Variants in MYO5C observed in about 807,000 individuals in gnomAD.
The protein encoded by MYO5C is unconventional myosin-Vc.
A neutral mutation model predicts 235.7 loss-of-function variants in MYO5C; 194 were observed. The ratio of observed to expected loss-of-function variants is 0.82; its 90% confidence interval spans 0.73 to 0.93. The LOEUF is 0.93. Among genes scored for constraint, MYO5C ranks in the 40% least tolerant of loss-of-function variants. The pLI is 0.00. For missense variants in MYO5C, 2,038 were observed against 2,127.2 expected (o/e 0.96, Z 0.82); for synonymous variants, 707 against 754.8 (o/e 0.94, Z 1.04).
At chr15:52,210,886 G>A (rs911073758) in intron 35 of MYO5C, among the ~76,000 whole-genome samples, 2 of 152,164 alleles carry the variant, frequency 1.3e-5, no homozygotes, top group African/African-American at 4.8e-5. Context: ...ACAAAATCCC[G>A]CCCTTTGTCA....
chr15:52,275,817 G>A, intron 4 of MYO5C, 99 bp from the exon 5 acceptor site: 10 of 1,140,148 alleles, frequency 8.8e-6, no homozygotes, highest in Non-Finnish European at 1.3e-5. Flanking sequence ...GAGGGAAACT[G>A]TTTTGTCACT....
At chr15:52,269,682 C>T (rs556819663) in intron 8 of MYO5C, 71 bp downstream of exon 8, 30 of 1,055,550 alleles carry the variant, frequency 2.8e-5, no homozygotes, top group Middle Eastern at 2.1e-4. Context: ...TGAGCCACCA[C>T]GCCTGGCCTT....
Position 52,208,601 on chromosome 15 carries a change from T to G in MYO5C, c.4339A>C (p.Asn1447His), listed in dbSNP as rs775346310. 1.2e-6 allele frequency: 2 copies of G among 1,614,172 alleles called. No individual in the cohort carries two copies. The highest frequency in any genetic ancestry group is 2.2e-5 in the South Asian group (2 of 91,076). The change falls in exon 36 of 41, where the codon AAC (asparagine) becomes CAC (histidine). Residue 1447 changes from asparagine to histidine, a missense_variant. Transcript: ENST00000261839. ...AGGCAATTGAGAAAATGACAAGTGT[T>G]GGAAAGCCAAAAGGACAGCATTTCA... ...DFEMLSFWLS[N>H]TCHFLNCLKQ...
At chr15:52,277,989 G>C (rs2037088356) in intron 4 of MYO5C, 1 of 455,838 alleles carries the variant, frequency 2.2e-6, no homozygotes, top group Admixed American at 2.4e-5. Context: ...TTTAGGTAAA[G>C]AGTCAGCAGG....
Position 52,239,247 on chromosome 15 carries a change from G to A in MYO5C, c.2703+486C>T, listed in dbSNP as rs540059432. The stretch of plus-strand genomic sequence containing the variant: ...ATTACAGGTGTCAGCCACCACGCCC[G>A]GCCTTGGATGTTTCTTTTCATACCA... On this transcript the variant is annotated intron_variant, in intron 21 of 40. Transcript: ENST00000261839. Among the ~76,000 whole-genome samples the A allele has an allele frequency of 5.9e-5, 9 of 152,266 alleles. No individual in the cohort carries two copies. In the South Asian group the frequency reaches 6.2e-4, roughly 11 times the overall value.
chr15:52,251,427 G>T lies in MYO5C; in HGVS notation c.1625C>A (p.Ser542Ter). Residue 542 changes from serine to a stop codon, truncating the protein, a stop_gained, in exon 13 of 41, where the codon TCA becomes TAA. Transcript: ENST00000261839. LOFTEE classifies it high-confidence loss of function. ...GTGCTGGATGACAAAGGATGTGTTTGACATTCTAGGCTTTTCAAACAAAGG... is the reference window on the plus strand; with the variant it reads ...GTGCTGGATGACAAAGGATGTGTTTTACATTCTAGGCTTTTCAAACAAAGG... ...RNPLFEKPRM[S>*]NTSFVIQHFA... 1 of 1,602,580 alleles carries T rather than the reference G, an allele frequency of 6.2e-7. No individual in the cohort carries two copies. The highest frequency in any genetic ancestry group is 1.1e-5 in the South Asian group (1 of 89,498).
intron 1 of MYO5C, among the ~76,000 whole-genome samples, chr15:52,288,313 T>C (rs1314882687): frequency 2.0e-5 from 3 of 152,212 alleles, no homozygotes; most frequent in East Asian, 1.9e-4. Context: ...AACCATCTAC[T>C]TGAGAGTCCA....
At chr15:52,234,263 G>A (rs1344898768) in intron 23 of MYO5C, among the ~76,000 whole-genome samples, 1 of 152,226 alleles carries the variant, frequency 6.6e-6, no homozygotes, top group Non-Finnish European at 1.5e-5. Flanking sequence ...TAGGTCACAA[G>A]CATAGGTAAA....
At position 52,211,221 on chromosome 15, in the gene MYO5C, T is replaced by C. The variant is rs143809315; in HGVS notation, c.4296+509A>G. 3.9e-3 allele frequency among the ~76,000 whole-genome samples: 588 copies of C among 152,310 alleles called. 4 individuals carry two copies. Among genetic ancestry groups the C allele is most frequent in the African/African-American group, 0.014 (573 of 41,562 alleles). ...AAATCCTCCATCTTCTTTAAGACACTGTATATTGGGCAAAGGGAGGTGGCA... is the reference window on the plus strand; with the variant it reads ...AAATCCTCCATCTTCTTTAAGACACCGTATATTGGGCAAAGGGAGGTGGCA... On this transcript the variant is annotated intron_variant, in intron 35 of 40. Transcript: ENST00000261839.
chr15:52,242,845 G>C (rs778497831), intron 19 of MYO5C: 1 of 152,240 alleles, frequency 6.6e-6, no homozygotes, highest in Non-Finnish European at 1.5e-5. Flanking sequence ...CACAGTGAAG[G>C]CTGGAAAAGG....
At chr15:52,199,442 G>T (rs1247135779) in intron 38 of MYO5C, among the ~76,000 whole-genome samples, 2 of 152,116 alleles carry the variant, frequency 1.3e-5, no homozygotes, top group Non-Finnish European at 2.9e-5. Context: ...TTGAGGACTT[G>T]GAAAAGTAAA....
At chr15:52,262,438 G>A (rs1331918568) in intron 9 of MYO5C, among the ~76,000 whole-genome samples, 1 of 152,140 alleles carries the variant, frequency 6.6e-6, no homozygotes, top group African/African-American at 2.4e-5. Context: ...ATCTATGGGG[G>A]TTTGGGGAAA....
intron 40 of MYO5C, among the ~76,000 whole-genome samples, chr15:52,194,435 G>A (rs568860867): frequency 6.6e-6 from 1 of 151,994 alleles, no homozygotes; most frequent in Non-Finnish European, 1.5e-5. Flanking sequence ...CAACCTTTTT[G>A]GTCTCAGGAC....
intron 23 of MYO5C, among the ~76,000 whole-genome samples, chr15:52,232,941 T>C (rs2035998911): frequency 6.6e-6 from 1 of 152,236 alleles, no homozygotes; most frequent in South Asian, 2.1e-4. Flanking sequence ...GTTGGTCTGT[T>C]ATTTATTAAA....
At chr15:52,214,343 G>A (rs189948845) in intron 33 of MYO5C, among the ~76,000 whole-genome samples, 2 of 152,316 alleles carry the variant, frequency 1.3e-5, no homozygotes, top group East Asian at 3.9e-4. Flanking sequence ...AAAAAAGGGA[G>A]CTAACAGAGG....
At chr15:52,239,413 T>C (rs137997288) in intron 21 of MYO5C, among the ~76,000 whole-genome samples, 3 of 152,294 alleles carry the variant, frequency 2.0e-5, no homozygotes, top group Admixed American at 6.5e-5. Context: ...GACAGCATCT[T>C]TGAGCAAATT....
chr15:52,287,743 G>A (rs1255316608), intron 1 of MYO5C, among the ~76,000 whole-genome samples: 3 of 152,120 alleles, frequency 2.0e-5, no homozygotes, highest in African/African-American at 7.2e-5. Context: ...TTGGGAGGCC[G>A]AGGTGGGTGG....
intron 35 of MYO5C, among the ~76,000 whole-genome samples, chr15:52,209,405 T>C (rs1471670895): frequency 6.6e-6 from 1 of 152,162 alleles, no homozygotes; most frequent in Non-Finnish European, 1.5e-5. Flanking sequence ...TGGAGAACAC[T>C]AGTTTAAGCA....
chr15:52,284,187 C>A (rs1349399092), intron 1 of MYO5C, among the ~76,000 whole-genome samples: 1 of 146,496 alleles, frequency 6.8e-6, no homozygotes, highest in Non-Finnish European at 1.5e-5. Flanking sequence ...TGGAAACAGA[C>A]TAAATGCCCA....
Sources: allele counts gnomAD v4.1 joint callset (sites outside exome capture counted in the v4.1 genomes callset), GRCh38; gene constraint gnomAD v4.1.1; transcripts MANE v1.5; gene names NCBI Gene and HGNC (gene_info 2026-07-23, HGNC 2026-07-21).